The following SUGCT variants were observed in gnomAD, a reference collection of about 807,000 sequenced individuals.
SUGCT encodes the protein succinyl-CoA:glutarate CoA-transferase.
Under a neutral mutation model 55.0 loss-of-function variants are expected in SUGCT, and 41 were observed. The observed-to-expected ratio is 0.74, with a 90% CI of 0.58 to 0.97. The LOEUF is 0.97. SUGCT is among the 50% of genes least tolerant of loss of function. The pLI, the probability that SUGCT is intolerant of heterozygous loss-of-function variation, is 0.00. For missense variants in SUGCT, 568 were observed against 547.8 expected (o/e 1.04, Z -0.37); for synonymous variants, 187 against 200.4 (o/e 0.93, Z 0.56).
Position 40,788,879 on chromosome 7 carries a change from C to A in SUGCT, c.1153+39382C>A, listed in dbSNP as rs147330036. Among the ~76,000 whole-genome samples, 234 of 152,314 alleles carry A rather than the reference C, an allele frequency of 1.5e-3. 2 individuals are homozygous for A. The highest frequency in any genetic ancestry group is 5.5e-3 in the African/African-American group (228 of 41,564). ...ATTCTATCTGTAATTATTGGGAAAACTATCTCTTTTTCAGTTTGTCACTTA... is the reference window on the plus strand; with the variant it reads ...ATTCTATCTGTAATTATTGGGAAAAATATCTCTTTTTCAGTTTGTCACTTA... On this transcript the variant is annotated intron_variant, in intron 13 of 13. Coordinates refer to ENST00000335693, the MANE Select transcript of SUGCT (RefSeq NM_001193313.2).
chr7:40,214,095 A>G (rs1332846153), intron 6 of SUGCT, among the ~76,000 whole-genome samples: 1 of 152,202 alleles, frequency 6.6e-6, no homozygotes, highest in Admixed American at 6.5e-5. Flanking sequence ...GAACCACACT[A>G]TTATCAACTG....
chr7:40,291,136 T>C (rs1049631729), intron 8 of SUGCT, among the ~76,000 whole-genome samples: 1 of 152,062 alleles, frequency 6.6e-6, no homozygotes, highest in Non-Finnish European at 1.5e-5. Flanking sequence ...ACCATTTGAC[T>C]CAGCCATCCC....
Position 40,194,385 on chromosome 7 carries a change from C to T in SUGCT, c.364-555C>T, listed in dbSNP as rs150170992. On this transcript the variant is annotated intron_variant, in intron 5 of 13. Coordinates refer to ENST00000335693, the MANE Select transcript of SUGCT (RefSeq NM_001193313.2). ...AAGTGATCCTCCCACCTGAGCCTCCCGAGCAGCTGGGACCATAGGTATGCA... is the reference window on the plus strand; with the variant it reads ...AAGTGATCCTCCCACCTGAGCCTCCTGAGCAGCTGGGACCATAGGTATGCA... 1.9e-3 allele frequency among the ~76,000 whole-genome samples: 283 copies of T among 152,168 alleles called. 4 individuals carry two copies. Among genetic ancestry groups the T allele is most frequent in the Non-Finnish European group, 2.8e-3 (191 of 68,010 alleles).
chr7:40,176,786 A>C (rs1007250511), intron 1 of SUGCT, among the ~76,000 whole-genome samples: 1 of 152,050 alleles, frequency 6.6e-6, no homozygotes, highest in Non-Finnish European at 1.5e-5. Context: ...CAGCCTGGCC[A>C]ACATGGCGAA....
At chr7:40,369,022 T>C (rs535513930) in intron 9 of SUGCT, among the ~76,000 whole-genome samples, 13 of 151,958 alleles carry the variant, frequency 8.6e-5, no homozygotes, top group Non-Finnish European at 1.9e-4. Context: ...AAGAATAGCT[T>C]GAACGCAGGA....
intron 8 of SUGCT, among the ~76,000 whole-genome samples, chr7:40,282,828 T>C (rs1004072448): frequency 2.6e-5 from 4 of 152,162 alleles, no homozygotes; most frequent in African/African-American, 7.2e-5. Flanking sequence ...AGCATGCCAC[T>C]GAACTCCAGC....
intron 9 of SUGCT, among the ~76,000 whole-genome samples, chr7:40,391,374 A>C (rs1206188799): frequency 2.0e-5 from 3 of 152,156 alleles, no homozygotes; most frequent in Admixed American, 2.0e-4. Context: ...AAATTTTTAC[A>C]ATCTACCCGT....
intron 13 of SUGCT, among the ~76,000 whole-genome samples, chr7:40,843,542 C>T (rs1793393384): frequency 6.8e-6 from 1 of 146,932 alleles, no homozygotes; most frequent in African/African-American, 2.5e-5. Flanking sequence ...CAGTGTAGGC[C>T]TCACTGAGCA....
At chr7:40,184,507 T>A (rs1037794448) in intron 3 of SUGCT, among the ~76,000 whole-genome samples, 1 of 152,028 alleles carries the variant, frequency 6.6e-6, no homozygotes, top group Admixed American at 6.6e-5. Flanking sequence ...AATTTTTTTT[T>A]TTTTTGGTAA....
intron 13 of SUGCT, among the ~76,000 whole-genome samples, chr7:40,756,145 G>A (rs576577419): frequency 1.3e-5 from 2 of 152,212 alleles, no homozygotes; most frequent in Admixed American, 1.3e-4. Flanking sequence ...TGTAAGTAAT[G>A]ATCTAAAACA....
chr7:40,819,087 A>G (rs1791836913), intron 13 of SUGCT, among the ~76,000 whole-genome samples: 1 of 150,892 alleles, frequency 6.6e-6, no homozygotes, highest in Non-Finnish European at 1.5e-5. Context: ...AGGACATGAA[A>G]TCCTTTTTTA....
chr7:40,708,789 A>G (rs547883115), intron 12 of SUGCT, among the ~76,000 whole-genome samples: 5 of 148,412 alleles, frequency 3.4e-5, no homozygotes, highest in African/African-American at 1.2e-4. Flanking sequence ...CCCAACCCCC[A>G]CCCCCAGTTA....
intron 13 of SUGCT, among the ~76,000 whole-genome samples, chr7:40,795,667 A>G (rs1288521769): frequency 2.6e-5 from 4 of 152,176 alleles, no homozygotes; most frequent in African/African-American, 4.8e-5. Flanking sequence ...CTTGAAAATC[A>G]TAGTTTCTAG....
chr7:40,329,027 G>A (rs1326539913), intron 9 of SUGCT, among the ~76,000 whole-genome samples: 1 of 152,148 alleles, frequency 6.6e-6, no homozygotes, highest in Non-Finnish European at 1.5e-5. Flanking sequence ...AATCACACAG[G>A]ACTAGTTTAT....
intron 11 of SUGCT, among the ~76,000 whole-genome samples, chr7:40,490,191 G>T (rs1791604527): frequency 6.6e-6 from 1 of 152,206 alleles, no homozygotes; most frequent in South Asian, 2.1e-4. Context: ...TTCAAGCCTG[G>T]AAGACCTGTG....
intron 8 of SUGCT, among the ~76,000 whole-genome samples, chr7:40,302,707 G>T (rs1416511073): frequency 2.0e-5 from 3 of 152,142 alleles, no homozygotes; most frequent in Admixed American, 2.0e-4. Flanking sequence ...GCCCACTCAA[G>T]ATAATCTCTT....
At chr7:40,663,480 G>GGTGTGT (rs1284850752) in intron 12 of SUGCT, among the ~76,000 whole-genome samples, 8 of 136,336 alleles carry the variant, frequency 5.9e-5, no homozygotes, top group African/African-American at 2.4e-4. Flanking sequence ...ATTACTTTGT[G>GGTGTGT]GTGTATGTGT....
chr7:40,473,565 T>G (rs903638673), intron 11 of SUGCT, among the ~76,000 whole-genome samples: 4 of 152,086 alleles, frequency 2.6e-5, no homozygotes, highest in African/African-American at 9.7e-5. Flanking sequence ...TGATAGTACT[T>G]TTGACCCCCT....
At chr7:40,841,174 A>C (rs1793261223) in intron 13 of SUGCT, among the ~76,000 whole-genome samples, 1 of 151,946 alleles carries the variant, frequency 6.6e-6, no homozygotes, top group Non-Finnish European at 1.5e-5. Context: ...TTTCCTAATA[A>C]ACAAAATAAA....
Sources: gnomAD v4.1 joint callset for allele counts (sites outside exome capture counted in the v4.1 genomes callset) on GRCh38, gnomAD v4.1.1 for gene constraint, MANE v1.5 for transcripts, NCBI Gene and HGNC (gene_info 2026-07-23, HGNC 2026-07-21) for gene names.